Variants in AUTS2 observed in about 807,000 individuals in gnomAD.
AUTS2 encodes autism susceptibility gene 2 protein.
A neutral mutation model predicts 112.4 loss-of-function variants in AUTS2; 17 were observed. The observed-to-expected ratio is 0.15, with a 90% CI of 0.10 to 0.23. AUTS2 has a LOEUF of 0.23. Ranked by LOEUF, AUTS2 falls within the 10% of genes least tolerant of loss-of-function variation. AUTS2 has a pLI of 1.00. For missense variants in AUTS2, 1,510 were observed against 1,701.6 expected, an observed-to-expected ratio of 0.89 and a Z score of 1.98; for synonymous variants, 751 against 702.7, an observed-to-expected ratio of 1.07 and a Z score of -1.09.
intron 2 of AUTS2, among the ~76,000 whole-genome samples, chr7:70,048,874 G>T (rs190604578): frequency 9.2e-5 from 14 of 152,140 alleles, no homozygotes; most frequent in Non-Finnish European, 2.1e-4. Flanking sequence ...TAAATTGTAC[G>T]TACCCAAAAT....
At chr7:70,070,993 A>T (rs186586359) in intron 2 of AUTS2, among the ~76,000 whole-genome samples, 164 of 152,252 alleles carry the variant, frequency 1.1e-3, no homozygotes, top group East Asian at 3.7e-3. Flanking sequence ...CTTAAAAAAA[A>T]TTTTTTTAAT....
chr7:70,516,757 T>C (rs533269846), intron 5 of AUTS2, among the ~76,000 whole-genome samples: 120 of 152,336 alleles, frequency 7.9e-4, no homozygotes, highest in Admixed American at 3.1e-3. Context: ...ATATAACTTA[T>C]TAATATAAGC....
chr7:69,913,401 C>T (rs76409411), intron 2 of AUTS2, among the ~76,000 whole-genome samples: 4 of 152,276 alleles, frequency 2.6e-5, no homozygotes, highest in Non-Finnish European at 5.9e-5. Context: ...TCCTGAAAAA[C>T]TGGGATATAT....
intron 1 of AUTS2, among the ~76,000 whole-genome samples, chr7:69,845,666 G>A (rs747679482): frequency 5.9e-5 from 9 of 152,154 alleles, no homozygotes; most frequent in Admixed American, 1.3e-4. Context: ...GTTTGTGAAC[G>A]AAGGGAGGGT....
chr7:70,128,086 C>T lies in AUTS2; in HGVS notation c.625-6450C>T, dbSNP rs150898068. ...ATAATTAGATTAGGAAATCTAATCT[C>T]GACCTGACAAGGATTCTTGGTGTTT... On this transcript the variant is annotated intron_variant, in intron 3 of 18. Coordinates refer to ENST00000342771, the MANE Select transcript of AUTS2 (RefSeq NM_015570.4). 2.3e-3 allele frequency among the ~76,000 whole-genome samples: 344 copies of T among 152,226 alleles called. 1 individual carries two copies. Among genetic ancestry groups the T allele is most frequent in the Non-Finnish European group, 3.6e-3 (246 of 68,020 alleles).
At chr7:70,275,442 T>C (rs754543273) in intron 4 of AUTS2, among the ~76,000 whole-genome samples, 7 of 152,160 alleles carry the variant, frequency 4.6e-5, no homozygotes, top group Non-Finnish European at 1.0e-4. Context: ...GGTTTCATTT[T>C]GGGATGATGA....
intron 5 of AUTS2, among the ~76,000 whole-genome samples, chr7:70,611,007 A>G (rs111837089): frequency 4.3e-4 from 65 of 152,110 alleles, no homozygotes; most frequent in African/African-American, 1.4e-3. Context: ...CTATTTGTCT[A>G]TTTTTGCCTT....
chr7:69,793,148 A>G (rs1484033056), intron 1 of AUTS2, among the ~76,000 whole-genome samples: 1 of 152,172 alleles, frequency 6.6e-6, no homozygotes, highest in African/African-American at 2.4e-5. Flanking sequence ...AGACAGTTTG[A>G]GTCCTGTGTT....
chr7:69,759,673 C>T (rs1170505316), intron 1 of AUTS2, among the ~76,000 whole-genome samples: 1 of 141,910 alleles, frequency 7.0e-6, no homozygotes, highest in African/African-American at 2.6e-5. Context: ...AACAAGTGTT[C>T]TTTTGAGTGA....
chr7:69,957,112 G>A lies in AUTS2; in HGVS notation c.522+57614G>A, dbSNP rs117586957. Among the ~76,000 whole-genome samples the A allele has an allele frequency of 6.5e-3, 974 of 149,184 alleles. 6 individuals carry two copies. The highest frequency in any genetic ancestry group is 0.01 in the Non-Finnish European group (677 of 67,602). On this transcript the variant is annotated intron_variant, in intron 2 of 18. Transcript: ENST00000342771. ...AGGCTGGCCTCAAACTCCTGCTGAA[G>A]CAATTCGCCTGCCTTGGCCCCCAGA...
rs368063309 is a variant in AUTS2, at chr7:70,742,198, T to C, written c.743-20672T>C. On this transcript the variant is annotated intron_variant, in intron 6 of 18. Transcript: ENST00000342771. ...ACTACCCACTCACTCTCTAAAACTC[T>C]TGTTCTTAAAGATTGGCTTATTTTT... Among the ~76,000 whole-genome samples the C allele has an allele frequency of 9.2e-5, 14 of 152,196 alleles. No homozygotes were observed. The East Asian group carries it at 1.7e-3, about 19-fold the overall frequency.
At chr7:70,002,296 A>G (rs1428068915) in intron 2 of AUTS2, among the ~76,000 whole-genome samples, 1 of 152,166 alleles carries the variant, frequency 6.6e-6, no homozygotes, top group Non-Finnish European at 1.5e-5. Context: ...GTAGAAAAAT[A>G]TAGGCGGGGT....
intron 4 of AUTS2, among the ~76,000 whole-genome samples, chr7:70,380,036 C>T (rs1793297594): frequency 6.6e-6 from 1 of 152,218 alleles, no homozygotes. Context: ...ATGTACAAAA[C>T]ATGACTGACA....
intron 5 of AUTS2, among the ~76,000 whole-genome samples, chr7:70,643,180 A>C (rs2129540595): frequency 6.6e-6 from 1 of 152,336 alleles, no homozygotes; most frequent in East Asian, 1.9e-4. Context: ...ATGATACTGG[A>C]CTATGTCTCC....
chr7:70,098,455 C>T (rs1804312509), intron 2 of AUTS2, among the ~76,000 whole-genome samples: 1 of 152,022 alleles, frequency 6.6e-6, no homozygotes, highest in Non-Finnish European at 1.5e-5. Flanking sequence ...GCTTAGACAC[C>T]ACTGCAGAAC....
rs745977360 is a variant in AUTS2, at chr7:69,653,643, GT to G, written c.309+53695del. ...TGCCCACATAATGGTGGTGGGTTTG[GT>G]TTTTTTTTTTTTTCATGCTCCTTGA... On this transcript the variant is annotated intron_variant, in intron 1 of 18. Transcript: ENST00000342771. Among the ~76,000 whole-genome samples, 281 of 138,574 alleles carry G rather than the reference GT, an allele frequency of 2.0e-3. 1 individual carries two copies. The highest frequency in any genetic ancestry group is 0.015 in the Middle Eastern group (4 of 264). The allele number at this position is 138,574 out of a possible 152,430, so 90.9% of individuals were successfully genotyped here.
In AUTS2 at chr7:70,555,090, A is replaced by C. The variant is rs58324459; in HGVS notation, c.690+119309A>C. On this transcript the variant is annotated intron_variant, in intron 5 of 18. Coordinates refer to ENST00000342771, the MANE Select transcript of AUTS2 (RefSeq NM_015570.4). Reference sequence around the variant, plus strand: ...GCTGATGGAGAGAAAAACATGAGCAAATAAATGTCATTTACTATGAAAGAT... The same window carrying C: ...GCTGATGGAGAGAAAAACATGAGCACATAAATGTCATTTACTATGAAAGAT... Among the ~76,000 whole-genome samples the C allele has an allele frequency of 6.6e-5, 10 of 152,360 alleles. No individual in the cohort carries two copies. In the East Asian group the frequency reaches 1.7e-3, roughly 26 times the overall value.
At position 69,931,018 on chromosome 7, in the gene AUTS2, G is replaced by A. The variant is rs183935559; in HGVS notation, c.522+31520G>A. Among the ~76,000 whole-genome samples the A allele has an allele frequency of 3.9e-3, 599 of 152,228 alleles. 4 individuals carry two copies. Among genetic ancestry groups the A allele is most frequent in the South Asian group, 0.012 (56 of 4,816 alleles). On this transcript the variant is annotated intron_variant, in intron 2 of 18. Coordinates refer to ENST00000342771, the MANE Select transcript of AUTS2 (RefSeq NM_015570.4). The stretch of plus-strand genomic sequence containing the variant: ...TGATAGAGCAGAATTATTTCAGGAT[G>A]AGTATATTTGTTTAGATCTTTTAAA...
At chr7:70,100,302 G>A (rs1052345247) in intron 2 of AUTS2, among the ~76,000 whole-genome samples, 4 of 152,044 alleles carry the variant, frequency 2.6e-5, no homozygotes, top group African/African-American at 7.2e-5. Context: ...ACTTTTCTGG[G>A]CCTGGTCTTG....
Sources: allele counts gnomAD v4.1 joint callset (sites outside exome capture counted in the v4.1 genomes callset), GRCh38; gene constraint gnomAD v4.1.1; transcripts MANE v1.5; gene names NCBI Gene and HGNC (gene_info 2026-07-23, HGNC 2026-07-21).